Variants in SHROOM4 observed in about 807,000 individuals in gnomAD.
SHROOM4 encodes protein Shroom4.
In SHROOM4, 17 loss-of-function variants were observed where a neutral mutation model predicts 80.3. That is an observed-to-expected ratio of 0.21 (90% CI 0.14 to 0.32). The LOEUF (loss-of-function observed/expected upper bound fraction) is 0.32. Ranked by LOEUF, SHROOM4 falls within the 10% of genes least tolerant of loss-of-function variation. The pLI, the probability that SHROOM4 is intolerant of heterozygous loss-of-function variation, is 1.00. For synonymous variants in SHROOM4, 400 were observed against 437.5 expected (o/e 0.91, Z 1.07); for missense variants, 993 against 1,140.3 (o/e 0.87, Z 1.86).
intron 1 of SHROOM4, among the ~76,000 whole-genome samples, chrX:50,785,299 A>C (rs782066483): frequency 9.0e-6 from 1 of 111,595 alleles, no homozygotes; most frequent in East Asian, 2.8e-4. Flanking sequence ...AGATTTAACA[A>C]AGAAAAATGA....
At chrX:50,617,622 TCC>T (rs58839497) in intron 5 of SHROOM4, among the ~76,000 whole-genome samples, 11 of 63,299 alleles carry the variant, frequency 1.7e-4, no homozygotes, top group African/African-American at 3.7e-4. Flanking sequence ...CTTAAAAAAA[TCC>T]CCCCCCCCAC....
At chrX:50,696,986 C>A (rs1338229672) in intron 1 of SHROOM4, among the ~76,000 whole-genome samples, 5 of 112,067 alleles carry the variant, frequency 4.5e-5, no homozygotes, top group African/African-American at 1.6e-4. Flanking sequence ...AACATCAATT[C>A]CATCCATGAT....
At chrX:50,763,147 T>C (rs1324415583) in intron 1 of SHROOM4, among the ~76,000 whole-genome samples, 1 of 111,556 alleles carries the variant, frequency 9.0e-6, no homozygotes, top group Non-Finnish European at 1.9e-5. Context: ...ATTCATTCTT[T>C]CTTCTTCCAG....
intron 1 of SHROOM4, among the ~76,000 whole-genome samples, chrX:50,704,887 G>A (rs185369711): frequency 9.0e-6 from 1 of 111,252 alleles, no homozygotes; most frequent in Admixed American, 9.6e-5. Flanking sequence ...TTTAATCTCT[G>A]GTCTCCACTT....
At chrX:50,602,298 G>T (rs1216718724) in intron 7 of SHROOM4, among the ~76,000 whole-genome samples, 1 of 110,703 alleles carries the variant, frequency 9.0e-6, no homozygotes, top group Admixed American at 9.6e-5. Flanking sequence ...CACCATGTTG[G>T]CCAGGCTGTT....
Position 50,779,636 on chromosome X carries a change from T to C in SHROOM4, c.117+34266A>G, listed in dbSNP as rs373834845. Among the ~76,000 whole-genome samples, 20 of 111,660 alleles carry C rather than the reference T, an allele frequency of 1.8e-4. No homozygotes were observed. The South Asian group carries it at 6.8e-3, about 38-fold the overall frequency. On this transcript the variant is annotated intron_variant, in intron 1 of 8. Transcript: ENST00000376020. ...CCCCTGTACAGGAAGTATGTACAGATATTCCTAAGCTAGAATCAGGGAATC... is the reference window on the plus strand; with the variant it reads ...CCCCTGTACAGGAAGTATGTACAGACATTCCTAAGCTAGAATCAGGGAATC...
Position 50,595,838 on chromosome X carries a change from G to C in SHROOM4, c.*857C>G. On this transcript the variant is annotated 3_prime_UTR_variant, in exon 9 of 9. Transcript: ENST00000376020. Reference sequence around the variant, plus strand: ...AACATAAAAATAAATAAAATCAAAAGGCCATTTAAAATATAACAATAAGAA... The same window carrying C: ...AACATAAAAATAAATAAAATCAAAACGCCATTTAAAATATAACAATAAGAA... 1 of 322,326 alleles carries C rather than the reference G, an allele frequency of 3.1e-6. No homozygotes were observed. Among genetic ancestry groups the C allele is most frequent in the South Asian group, 2.8e-5 (1 of 36,131 alleles). The allele number at this position is 322,326 out of a possible 1,213,427, so 26.6% of individuals were successfully genotyped here.
intron 1 of SHROOM4, among the ~76,000 whole-genome samples, chrX:50,724,251 T>C (rs1379874172): frequency 9.0e-6 from 1 of 111,355 alleles, no homozygotes; most frequent in Non-Finnish European, 1.9e-5. Context: ...GGGCAACCTC[T>C]AGAAGCTAAA....
Position 50,596,954 on chromosome X carries a change from A to G in SHROOM4, c.4223T>C (p.Ile1408Thr), listed in dbSNP as rs184466609. The stretch of plus-strand genomic sequence containing the variant: ...CCCCGTCAGCTGCTGCTTCTTCTCT[A>G]TCAGTACCAACTGGGGAAGCAGAGG... ...SEANQEKLVL[I>T]EKKQQLTGQL... is the part of the protein sequence containing the mutation. Residue 1408 changes from isoleucine to threonine, a missense_variant, in exon 9 of 9, where the codon ATA (isoleucine) becomes ACA (threonine). By Grantham distance (89) the Ile-to-Thr change is moderately conservative. Transcript: ENST00000376020. The G allele has an allele frequency of 2.3e-5, 28 of 1,208,281 alleles. No individual in the cohort carries two copies. In the South Asian group the frequency reaches 2.8e-4, roughly 12 times the overall value.
At position 50,607,757 on chromosome X, in the gene SHROOM4, T is replaced by G. The variant is rs199502054; in HGVS notation, c.3385A>C (p.Lys1129Gln). The G allele has an allele frequency of 8.6e-7, 1 of 1,156,281 alleles. No homozygotes were observed. Among genetic ancestry groups the G allele is most frequent in the Non-Finnish European group, 1.2e-6 (1 of 868,828 alleles). The change falls in exon 6 of 9, where the codon AAG becomes CAG. Residue 1129 changes from lysine (K) to glutamine (Q), a missense_variant. Physicochemically the swap from Lys to Gln is moderately conservative, Grantham distance 53. Transcript: ENST00000376020. ...TCCTCCTCCTCCTCCTCCTGTTGCT[T>G]CTGCTGCTGCTGTTGCTGCTTCTGC... Reference protein sequence around the residue: ...QQQKQQQQQQKQQEEEEEEEE... With the variant: ...QQQKQQQQQQQQQEEEEEEEE...
In SHROOM4 at chrX:50,592,296, G is replaced by A. The variant is rs1213915893; in HGVS notation, c.*4399C>T. On this transcript the variant is annotated 3_prime_UTR_variant, in exon 9 of 9. Transcript: ENST00000376020. ...GTTAAAATTCAGACTGCTATCACTGGGTTTGGGGTGGGCCTGGGATTCTGC... is the reference window on the plus strand; with the variant it reads ...GTTAAAATTCAGACTGCTATCACTGAGTTTGGGGTGGGCCTGGGATTCTGC... 1.4e-5 allele frequency: 4 copies of A among 285,445 alleles called. No homozygotes were observed. The highest frequency in any genetic ancestry group is 2.7e-5 in the Non-Finnish European group (4 of 148,843). 23.5% of individuals were successfully genotyped at this position (285,445 alleles called of 1,213,427 possible).
chrX:50,706,841 G>A (rs782149439), intron 1 of SHROOM4, among the ~76,000 whole-genome samples: 2 of 111,831 alleles, frequency 1.8e-5, no homozygotes, highest in African/African-American at 3.2e-5. Flanking sequence ...TTAGTGGAAG[G>A]AATGGAGCCT....
At chrX:50,802,475 T>C (rs1471152266) in intron 1 of SHROOM4, among the ~76,000 whole-genome samples, 1 of 111,760 alleles carries the variant, frequency 8.9e-6, no homozygotes, top group Admixed American at 9.5e-5. Context: ...AGATTTTACA[T>C]ATTAGATTAA....
At chrX:50,781,704 G>A (rs782354466) in intron 1 of SHROOM4, among the ~76,000 whole-genome samples, 10 of 110,059 alleles carry the variant, frequency 9.1e-5, no homozygotes, top group South Asian at 4.0e-4. Flanking sequence ...AACAATTATC[G>A]GTCTAGTTAG....
At chrX:50,730,193 C>T (rs1027237680) in intron 1 of SHROOM4, among the ~76,000 whole-genome samples, 5 of 111,234 alleles carry the variant, frequency 4.5e-5, no homozygotes, top group African/African-American at 1.6e-4. Flanking sequence ...TTTGGGAGGC[C>T]GAGGCGGGCG....
chrX:50,795,029 CATATATATCTCATATATATATG>C (rs1569549120), intron 1 of SHROOM4, among the ~76,000 whole-genome samples: 8 of 18,170 alleles, frequency 4.4e-4, no homozygotes, highest in South Asian at 0.014. Context: ...TTATATATAT[CATATATATCTCATATATATATG>C]ATATATATAT....
At chrX:50,800,654 AG>A (rs1936099628) in intron 1 of SHROOM4, among the ~76,000 whole-genome samples, 1 of 111,452 alleles carries the variant, frequency 9.0e-6, no homozygotes, top group Non-Finnish European at 1.9e-5. Context: ...AGAATTTCCC[AG>A]GTGGGTTTGG....
intron 1 of SHROOM4, among the ~76,000 whole-genome samples, chrX:50,707,831 T>G (rs1430578673): frequency 9.0e-6 from 1 of 111,296 alleles, no homozygotes; most frequent in Non-Finnish European, 1.9e-5. Context: ...GCTTTTAAGG[T>G]TTGATTAAAA....
At chrX:50,643,949 C>G (rs1213267531) in intron 2 of SHROOM4, among the ~76,000 whole-genome samples, 1 of 112,841 alleles carries the variant, frequency 8.9e-6, no homozygotes, top group African/African-American at 3.2e-5. Flanking sequence ...ACTGAGTTGA[C>G]CCCACCCAGC....
Sources: allele counts gnomAD v4.1 joint callset (sites outside exome capture counted in the v4.1 genomes callset), GRCh38; gene constraint gnomAD v4.1.1; transcripts MANE v1.5; gene names NCBI Gene and HGNC (gene_info 2026-07-23, HGNC 2026-07-21).